The following UACA variants were observed in gnomAD, a reference collection of about 807,000 sequenced individuals.
The protein encoded by UACA is nuclear membrane binding protein.
In UACA, 112 loss-of-function variants were observed where a neutral mutation model predicts 160.5. The observed-to-expected ratio is 0.70, with a 90% CI of 0.60 to 0.82. The LOEUF is 0.82. UACA is among the 40% of genes least tolerant of loss of function. The pLI is 0.00. For missense variants in UACA, 1,574 were observed against 1,614.6 expected, an observed-to-expected ratio of 0.97 and a Z score of 0.43; for synonymous variants, 557 against 568.4, an observed-to-expected ratio of 0.98 and a Z score of 0.29.
intron 1 of UACA, among the ~76,000 whole-genome samples, chr15:70,745,155 G>A (rs1899663116): frequency 6.6e-6 from 1 of 152,160 alleles, no homozygotes; most frequent in Non-Finnish European, 1.5e-5. Context: ...AAACAGGCCA[G>A]GCGCAGTGGC....
At chr15:70,708,031 T>C (rs1898570033) in intron 1 of UACA, among the ~76,000 whole-genome samples, 1 of 152,218 alleles carries the variant, frequency 6.6e-6, no homozygotes, top group Non-Finnish European at 1.5e-5. Context: ...CAAATGTCCA[T>C]TGATGGCTGA....
At chr15:70,694,041 A>G (rs1019083406) in intron 3 of UACA, among the ~76,000 whole-genome samples, 1 of 152,202 alleles carries the variant, frequency 6.6e-6, no homozygotes, top group Non-Finnish European at 1.5e-5. Flanking sequence ...GCTGGGTAAA[A>G]GTAATGTATT....
At chr15:70,760,472 T>C (rs1005463744) in intron 1 of UACA, among the ~76,000 whole-genome samples, 5 of 152,032 alleles carry the variant, frequency 3.3e-5, no homozygotes, top group African/African-American at 4.8e-5. Flanking sequence ...ATATAAAGTA[T>C]ATACAAATGA....
chr15:70,691,386 G>A (rs777393889), intron 3 of UACA, 23 bp from the exon 4 acceptor site: 3 of 1,540,788 alleles, frequency 1.9e-6, no homozygotes, highest in Non-Finnish European at 2.7e-6. Context: ...TAAGATACAT[G>A]TGAAGGATTA....
intron 9 of UACA, chr15:70,680,170 G>C (rs957651269): frequency 3.9e-5 from 6 of 152,240 alleles, no homozygotes; most frequent in Non-Finnish European, 7.3e-5. Flanking sequence ...CAGTCCCTCT[G>C]ACCTGAGCAA....
At chr15:70,761,588 T>C (rs929715854) in intron 1 of UACA, among the ~76,000 whole-genome samples, 12 of 152,220 alleles carry the variant, frequency 7.9e-5, no homozygotes, top group African/African-American at 2.7e-4. Flanking sequence ...ACAGAATTCA[T>C]TCTAAGTTTT....
At chr15:70,722,139 G>A (rs185734578) in intron 1 of UACA, among the ~76,000 whole-genome samples, 12 of 152,264 alleles carry the variant, frequency 7.9e-5, no homozygotes, top group African/African-American at 2.6e-4. Context: ...GGGTGATGCA[G>A]TTTGGGCATT....
intron 2 of UACA, among the ~76,000 whole-genome samples, chr15:70,697,419 C>T (rs370167479): frequency 6.6e-6 from 1 of 152,190 alleles, no homozygotes; most frequent in Admixed American, 6.5e-5. Flanking sequence ...CTTGGTGAAC[C>T]TTCCCCATCT....
At position 70,667,978 on chromosome 15, in the gene UACA, A is replaced by G; in HGVS notation, c.2706T>C (p.Asp902=). 1.9e-6 allele frequency: 3 copies of G among 1,600,750 alleles called. No individual in the cohort carries two copies. Among genetic ancestry groups the G allele is most frequent in the Non-Finnish European group, 2.6e-6 (3 of 1,174,496 alleles). The change falls in exon 16 of 19, where the codon GAT becomes GAC. Residue 902 remains aspartate, a synonymous_variant. Transcript: ENST00000322954. ...DINQEFVKIK[D]KNEILKRNLE... is the part of the protein sequence containing the mutation. ...GGTTTCTTTTTAATATTTCATTCTTATCTTTTATTTTTACAAATTCCTGAT... is the reference window on the plus strand; with the variant it reads ...GGTTTCTTTTTAATATTTCATTCTTGTCTTTTATTTTTACAAATTCCTGAT...
chr15:70,775,763 T>C, the UACA span, among the ~76,000 whole-genome samples: 1 of 152,210 alleles, frequency 6.6e-6, no homozygotes, highest in African/African-American at 2.4e-5. Context: ...ATTCCATGCC[T>C]GTATTCCTAA....
At chr15:70,671,181 C>T (rs758748850) in intron 14 of UACA, 90 bp from the exon 15 acceptor site, 8 of 937,000 alleles carry the variant, frequency 8.5e-6, no homozygotes, top group Non-Finnish European at 1.3e-5. Flanking sequence ...CTTTATTATT[C>T]AAATAAAAGA....
At chr15:70,709,081 T>G (rs1256002850) in intron 1 of UACA, among the ~76,000 whole-genome samples, 1 of 152,218 alleles carries the variant, frequency 6.6e-6, no homozygotes, top group Non-Finnish European at 1.5e-5. Flanking sequence ...GATACCTCTC[T>G]GCTTCAAAAG....
At position 70,687,805 on chromosome 15, in the gene UACA, G is replaced by A. The variant is rs980202429; in HGVS notation, c.440C>T (p.Pro147Leu). 5 of 1,613,532 alleles carry A rather than the reference G, an allele frequency of 3.1e-6. No individual in the cohort carries two copies. In the African/African-American group the frequency reaches 4.0e-5, roughly 13 times the overall value. Residue 147 changes from proline (P) to leucine (L), a missense_variant, in exon 6 of 19, where the codon CCT becomes CTT. Pro to Leu is a moderately conservative substitution (Grantham distance 98). Transcript: ENST00000322954. ...ALHDAAMADC[P>L]SSIQLLCDHG... The stretch of plus-strand genomic sequence containing the variant: ...GTCACAAAGCAGCTGTATGCTAGAA[G>A]GACAATCTGCCATTGCTTTAAGGAA...
Position 70,667,465 on chromosome 15 carries a change from T to C in UACA, c.3219A>G (p.Lys1073=). The C allele has an allele frequency of 6.2e-7, 1 of 1,610,234 alleles. No individual in the cohort carries two copies. Among genetic ancestry groups the C allele is most frequent in the Non-Finnish European group, 8.5e-7 (1 of 1,179,576 alleles). ...RKTDELNKQL[K]DLSQKYTEVK... ...CTTCCGTGTATTTCTGTGACAAGTC[T>C]TTTAACTGTTTGTTTAGCTCGTCTG... The change falls in exon 16 of 19, where the codon AAA becomes AAG. Residue 1073 remains lysine, a synonymous_variant. Transcript: ENST00000322954.
chr15:70,711,231 A>G (rs1443852587), intron 1 of UACA, among the ~76,000 whole-genome samples: 1 of 152,216 alleles, frequency 6.6e-6, no homozygotes, highest in East Asian at 1.9e-4. Context: ...TCCTTTGCAC[A>G]ATATAGAATC....
intron 17 of UACA, 25 bp downstream of exon 17, chr15:70,664,637 A>G (rs747143552): frequency 5.0e-6 from 8 of 1,593,862 alleles, no homozygotes; most frequent in Non-Finnish European, 6.8e-6. Context: ...TATTCCTGCA[A>G]AGCCCCGTGT....
chr15:70,755,084 G>A (rs141134983), intron 1 of UACA, among the ~76,000 whole-genome samples: 4 of 152,262 alleles, frequency 2.6e-5, no homozygotes, highest in African/African-American at 7.2e-5. Context: ...TAACAGGACA[G>A]TAAAAGTTTC....
At chr15:70,755,454 G>A (rs1010877488) in intron 1 of UACA, among the ~76,000 whole-genome samples, 4 of 151,908 alleles carry the variant, frequency 2.6e-5, no homozygotes, top group South Asian at 2.1e-4. Flanking sequence ...TGGATCGCCC[G>A]AGGTCAGGAG....
At chr15:70,685,406 T>C (rs1485388199) in intron 7 of UACA, among the ~76,000 whole-genome samples, 1 of 152,212 alleles carries the variant, frequency 6.6e-6, no homozygotes, top group Non-Finnish European at 1.5e-5. Context: ...TTAAGGAAAC[T>C]GACTCTTGCC....
Sources: gnomAD v4.1 joint callset for allele counts (sites outside exome capture counted in the v4.1 genomes callset) on GRCh38, gnomAD v4.1.1 for gene constraint, MANE v1.5 for transcripts, NCBI Gene and HGNC (gene_info 2026-07-23, HGNC 2026-07-21) for gene names.